Variants in PARP1 observed in about 807,000 individuals in gnomAD.
The protein encoded by PARP1 is poly(ADP-ribose) polymerase 1, also known as poly [ADP-ribose] polymerase 1.
A neutral mutation model predicts 118.7 loss-of-function variants in PARP1; 44 were observed. That is an observed-to-expected ratio of 0.37 (90% confidence interval 0.29 to 0.48). The LOEUF (loss-of-function observed/expected upper bound fraction) is 0.48, where lower values mean the gene tolerates loss of function less well. Among genes scored for constraint, PARP1 ranks in the 20% least tolerant of loss-of-function variants. PARP1 has a pLI of 0.99. For missense variants in PARP1, 1,100 were observed against 1,272.4 expected, an observed-to-expected ratio of 0.86 and a Z score of 2.06; for synonymous variants, 492 against 483.2, an observed-to-expected ratio of 1.02 and a Z score of -0.24.
At position 226,408,089 on chromosome 1, in the gene PARP1, T is replaced by G; in HGVS notation, c.-160A>C. 9.4e-7 allele frequency: 1 copy of G among 1,060,410 alleles called. No individual in the cohort carries two copies. The highest frequency in any genetic ancestry group is 1.4e-6 in the Non-Finnish European group (1 of 727,614). The allele number at this position is 1,060,410 out of a possible 1,614,324, so 65.7% of individuals were successfully genotyped here. On this transcript the variant is annotated 5_prime_UTR_variant, in exon 1 of 23. Transcript: ENST00000366794. ...CCGGCCACCGCCGTTCCCTGATAGA[T>G]TGCTGATGCCTGGCCGCGGGAACGC...
chr1:226,365,778 CAAA>C (rs796563980), intron 18 of PARP1, among the ~76,000 whole-genome samples, 173 bp downstream of exon 18: 6 of 41,596 alleles, frequency 1.4e-4, no homozygotes, highest in African/African-American at 7.9e-4. Context: ...AAAAAAAAAA[CAAA>C]AAACAAACAA....
At chr1:226,371,316 C>G (rs1664378353) in intron 14 of PARP1, among the ~76,000 whole-genome samples, 1 of 152,200 alleles carries the variant, frequency 6.6e-6, no homozygotes, top group Non-Finnish European at 1.5e-5. Flanking sequence ...TTCTGAGCTC[C>G]CTGGGGGCCG....
rs201371549 is a variant in PARP1 at position 226,380,022 on chromosome 1, C to G, written c.1443G>C (p.Trp481Cys). The G allele has an allele frequency of 3.7e-5, 60 of 1,614,224 alleles. No homozygotes were observed. Among genetic ancestry groups the G allele is most frequent in the South Asian group, 5.5e-5 (5 of 91,074 alleles). Residue 481 changes from tryptophan to cysteine, a missense_variant, in exon 10 of 23, where the codon TGG (tryptophan) becomes TGC (cysteine). Physicochemically the swap from Trp to Cys is radical, Grantham distance 215. Coordinates refer to ENST00000366794, the MANE Select transcript of PARP1 (RefSeq NM_001618.4). Reference sequence around the variant, plus strand: ...CAGGCTCTGCCTTCACCTCTGCCCCCCAAGGGGACAAGATGTGCGCTAAGA... The same window carrying G: ...CAGGCTCTGCCTTCACCTCTGCCCCGCAAGGGGACAAGATGTGCGCTAAGA... ...ELFLAHILSP[W>C]GAEVKAEPVE...
intron 5 of PARP1, 88 bp from the exon 6 acceptor site, chr1:226,386,530 C>T: frequency 2.3e-6 from 2 of 870,334 alleles, no homozygotes; most frequent in Non-Finnish European, 2.0e-6. Flanking sequence ...GCTGAGCCTC[C>T]AGTTATACCC....
intron 21 of PARP1, 52 bp downstream of exon 21, chr1:226,363,047 T>G: frequency 3.9e-6 from 5 of 1,292,090 alleles, no homozygotes; most frequent in Non-Finnish European, 5.6e-6. Context: ...CCCCGGCTTC[T>G]GTGCTGTCCA....
intron 14 of PARP1, among the ~76,000 whole-genome samples, chr1:226,373,717 A>C (rs900419499): frequency 6.6e-6 from 1 of 152,138 alleles, no homozygotes; most frequent in African/African-American, 2.4e-5. Flanking sequence ...CTTTTACTCT[A>C]AGTGGGCTAT....
chr1:226,370,779 T>G, intron 14 of PARP1: 1 of 533,646 alleles, frequency 1.9e-6, no homozygotes, highest in Non-Finnish European at 3.4e-6. Context: ...TATGCCCAGT[T>G]TCAAACAGTC....
rs1405734779 is a variant in PARP1 at position 226,381,056 on chromosome 1, G to C, written c.1300+12C>G. 6.2e-7 allele frequency: 1 copy of C among 1,614,116 alleles called. No homozygotes were observed. Among genetic ancestry groups the C allele is most frequent in the Non-Finnish European group, 8.5e-7 (1 of 1,179,962 alleles). On this transcript the variant is annotated intron_variant, in intron 9 of 22. Coordinates refer to ENST00000366794, the MANE Select transcript of PARP1 (RefSeq NM_001618.4). ...GCATTGTCCCTGTTGCACAAATTCAGATTCAACTCACTTTTGGTGCTGATG... is the reference window on the plus strand; with the variant it reads ...GCATTGTCCCTGTTGCACAAATTCACATTCAACTCACTTTTGGTGCTGATG...
At chr1:226,368,383 G>A (rs2102729019) in intron 15 of PARP1, 62 bp from the exon 16 acceptor site, 2 of 1,610,982 alleles carry the variant, frequency 1.2e-6, no homozygotes, top group East Asian at 2.2e-5. Context: ...CCCCGGCCAG[G>A]CTTTCTCTTT....
chr1:226,368,346 T>C (rs1664314281), intron 15 of PARP1, 25 bp from the exon 16 acceptor site: 2 of 1,613,842 alleles, frequency 1.2e-6, no homozygotes, highest in South Asian at 2.2e-5. Context: ...ACAGAAGGAA[T>C]GCAAGACTGA....
chr1:226,397,956 C>T (rs1271405049), intron 2 of PARP1, among the ~76,000 whole-genome samples: 3 of 147,108 alleles, frequency 2.0e-5, no homozygotes, highest in African/African-American at 5.1e-5. Context: ...TGGACATCCA[C>T]ATGCGAAAAA....
Position 226,361,207 on chromosome 1 carries a change from T to C in PARP1, c.*253A>G, listed in dbSNP as rs1455891347. On this transcript the variant is annotated 3_prime_UTR_variant, in exon 23 of 23. Transcript: ENST00000366794. ...CAGAATCTCTCTCCAGCCTTTTCTC[T>C]ATGTCAGTTTTATCTACCTGGCAAG... 5 of 562,148 alleles carry C rather than the reference T, an allele frequency of 8.9e-6. No homozygotes were observed. Among genetic ancestry groups the C allele is most frequent in the Non-Finnish European group, 1.6e-5 (5 of 312,946 alleles). The allele number at this position is 562,148 out of a possible 1,614,324, so 34.8% of individuals were successfully genotyped here. A position where few individuals can be genotyped will look rare whatever the true frequency, so the allele number is the denominator to read the frequency against.
chr1:226,384,907 C>T lies in PARP1; in HGVS notation c.1011+597G>A, dbSNP rs539734909. ...CAGAGCTCTGCACCTACCCAGGCTG[C>T]TGGGCCTGGGTCCTGCTGAGTCTGA... On this transcript the variant is annotated intron_variant, in intron 7 of 22. Coordinates refer to ENST00000366794, the MANE Select transcript of PARP1 (RefSeq NM_001618.4). 1.3e-3 allele frequency among the ~76,000 whole-genome samples: 192 copies of T among 152,344 alleles called. 1 individual carries two copies. Among genetic ancestry groups the T allele is most frequent in the African/African-American group, 4.4e-3 (185 of 41,578 alleles).
intron 13 of PARP1, among the ~76,000 whole-genome samples, chr1:226,375,558 G>A (rs1576394258): frequency 6.6e-6 from 1 of 152,220 alleles, no homozygotes; most frequent in East Asian, 1.9e-4. Flanking sequence ...GCCAAACTGA[G>A]GTGTGCTGTA....
chr1:226,369,501 T>G (rs1181358289), intron 15 of PARP1, among the ~76,000 whole-genome samples: 2 of 152,212 alleles, frequency 1.3e-5, no homozygotes, highest in African/African-American at 4.8e-5. Context: ...GCCTAACTCT[T>G]AAGGACACAT....
rs147221209 is a variant in PARP1 at position 226,377,177 on chromosome 1, G to A, written c.1872C>T (p.Asn624=). 723 of 1,614,110 alleles carry A rather than the reference G, an allele frequency of 4.5e-4. 1 individual carries two copies. The highest frequency in any genetic ancestry group is 5.2e-4 in the Non-Finnish European group (615 of 1,180,016). ...FMKLYEEKTG[N]AWHSKNFTKY... ...TCGTGAAATTTTTGGAGTGCCAAGC[G>A]TTCCCGGTTTTTTCTTCATATAATT... Residue 624 remains asparagine (N), a synonymous_variant, in exon 13 of 23, where the codon AAC becomes AAT. Coordinates refer to ENST00000366794, the MANE Select transcript of PARP1 (RefSeq NM_001618.4).
intron 2 of PARP1, among the ~76,000 whole-genome samples, chr1:226,398,776 G>C (rs1461681228): frequency 2.0e-5 from 3 of 152,192 alleles, no homozygotes; most frequent in Non-Finnish European, 4.4e-5. Flanking sequence ...AATGGAAAAT[G>C]ATTCAGCTTT....
chr1:226,375,569 G>A (rs927647018), intron 13 of PARP1, among the ~76,000 whole-genome samples: 2 of 152,028 alleles, frequency 1.3e-5, no homozygotes, highest in Non-Finnish European at 2.9e-5. Context: ...GTGTGCTGTA[G>A]GTGCAAAATA....
chr1:226,401,494 T>G (rs567073299), intron 2 of PARP1, among the ~76,000 whole-genome samples: 5 of 152,224 alleles, frequency 3.3e-5, no homozygotes, highest in Non-Finnish European at 7.3e-5. Flanking sequence ...ATCAGATTGT[T>G]GTCACAGAAA....
Sources: allele counts gnomAD v4.1 joint callset (sites outside exome capture counted in the v4.1 genomes callset), GRCh38; gene constraint gnomAD v4.1.1; transcripts MANE v1.5; gene names NCBI Gene and HGNC (gene_info 2026-07-23, HGNC 2026-07-21).